Variants in CYSTM1 observed in about 807,000 individuals in gnomAD.
The protein encoded by CYSTM1 is cysteine rich transmembrane module containing 1, also known as cysteine-rich transmembrane module-containing protein 1.
CYSTM1 carries 4 observed loss-of-function variants against 13.1 expected under a neutral mutation model. That is an observed-to-expected ratio of 0.31 (90% confidence interval 0.15 to 0.70). The LOEUF (loss-of-function observed/expected upper bound fraction) is 0.70. CYSTM1 is among the 30% of genes least tolerant of loss of function. The probability of loss-of-function intolerance (pLI) is 0.72; values close to 1 mark genes in which losing one functional copy is unlikely to be tolerated. For missense variants in CYSTM1, 96 were observed against 121.6 expected (o/e 0.79, Z 0.99); for synonymous variants, 36 against 42.7 (o/e 0.84, Z 0.62).
chr5:140,187,005 A>G (rs1212316595), intron 1 of CYSTM1, among the ~76,000 whole-genome samples: 1 of 152,110 alleles, frequency 6.6e-6, no homozygotes, highest in Non-Finnish European at 1.5e-5. Flanking sequence ...GCACGCCTGT[A>G]ATCCCAGCTG....
Position 140,194,368 on chromosome 5 carries a change from G to A in CYSTM1, c.-20-78G>A, listed in dbSNP as rs546885654. On this transcript the variant is annotated intron_variant, in intron 1 of 2. Coordinates refer to ENST00000261811, the MANE Select transcript of CYSTM1 (RefSeq NM_032412.4). ...TACACCTTGAAGGTATTTTGTAAAT[G>A]ATCTTATGGGTTAGGATTTTATTCC... The A allele has an allele frequency of 1.1e-5, 15 of 1,345,824 alleles. No homozygotes were observed. The African/African-American group carries it at 1.8e-4, about 16-fold the overall frequency. The allele number at this position is 1,345,824 out of a possible 1,614,324, so 83.4% of individuals were successfully genotyped here.
intron 2 of CYSTM1, among the ~76,000 whole-genome samples, chr5:140,210,075 A>G (rs987385679): frequency 1.3e-5 from 2 of 152,194 alleles, no homozygotes; most frequent in Non-Finnish European, 2.9e-5. Context: ...AATAATGCTC[A>G]TAAAAATTTT....
At chr5:140,211,055 C>T (rs1764361089) in intron 2 of CYSTM1, among the ~76,000 whole-genome samples, 1 of 152,058 alleles carries the variant, frequency 6.6e-6, no homozygotes, top group African/African-American at 2.4e-5. Flanking sequence ...ATTAAAACCA[C>T]CAGAACCAGA....
chr5:140,197,701 C>T (rs1764173845), intron 2 of CYSTM1, among the ~76,000 whole-genome samples: 1 of 152,140 alleles, frequency 6.6e-6, no homozygotes, highest in South Asian at 2.1e-4. Flanking sequence ...CTTTTTCTTT[C>T]CAGCTGAATG....
chr5:140,240,112 A>C (rs1764729881), intron 2 of CYSTM1, among the ~76,000 whole-genome samples: 1 of 152,094 alleles, frequency 6.6e-6, no homozygotes, highest in South Asian at 2.1e-4. Flanking sequence ...ACCTCTTCCC[A>C]GGTTGGGCAC....
chr5:140,212,983 G>GTATATATATA (rs150669111), intron 2 of CYSTM1, among the ~76,000 whole-genome samples: 62 of 114,294 alleles, frequency 5.4e-4, no homozygotes, highest in Admixed American at 1.3e-3. Flanking sequence ...CAAAACAAAA[G>GTATATATATA]TATATATATA....
At chr5:140,235,903 G>A (rs144838478) in intron 2 of CYSTM1, among the ~76,000 whole-genome samples, 38 of 152,214 alleles carry the variant, frequency 2.5e-4, no homozygotes, top group African/African-American at 7.7e-4. Context: ...ATCCTGTCCC[G>A]AGTACTCTTC....
At chr5:140,182,656 C>A (rs935399164) in intron 1 of CYSTM1, among the ~76,000 whole-genome samples, 5 of 151,420 alleles carry the variant, frequency 3.3e-5, no homozygotes, top group Admixed American at 6.6e-5. Context: ...TCATCAATAA[C>A]CCAAACTACT....
intron 1 of CYSTM1, among the ~76,000 whole-genome samples, chr5:140,190,252 TA>T (rs1764075878): frequency 1.3e-5 from 2 of 152,222 alleles, no homozygotes; most frequent in South Asian, 2.1e-4. Flanking sequence ...AAAAAACCCT[TA>T]TTTTTTTTCT....
At chr5:140,218,564 C>G (rs1489474468) in intron 2 of CYSTM1, among the ~76,000 whole-genome samples, 1 of 152,202 alleles carries the variant, frequency 6.6e-6, no homozygotes, top group Non-Finnish European at 1.5e-5. Flanking sequence ...CTGTCACACC[C>G]TCAAAGTGGC....
At chr5:140,176,329 A>G (rs1200010417) in intron 1 of CYSTM1, among the ~76,000 whole-genome samples, 2 of 152,254 alleles carry the variant, frequency 1.3e-5, no homozygotes, top group East Asian at 3.8e-4. Flanking sequence ...TCAGGCAGCC[A>G]GGTGCCTTTT....
chr5:140,175,834 G>T lies in CYSTM1; in HGVS notation c.-21+549G>T, dbSNP rs1259740670. 6.6e-6 allele frequency among the ~76,000 whole-genome samples: 1 copy of T among 152,232 alleles called. No homozygotes were observed. Among genetic ancestry groups the T allele is most frequent in the African/African-American group, 2.4e-5 (1 of 41,468 alleles). On this transcript the variant is annotated intron_variant, in intron 1 of 2. Coordinates refer to ENST00000261811, the MANE Select transcript of CYSTM1 (RefSeq NM_032412.4). The surrounding 1 kb of genome is among the most constrained non-coding windows in gnomAD (Gnocchi z 4.9). ...GGAGGCCGGGGTGTTCAGAGAAGGCGTTGCGGGGGAAAGGAATCCCGGCTG... is the reference window on the plus strand; with the variant it reads ...GGAGGCCGGGGTGTTCAGAGAAGGCTTTGCGGGGGAAAGGAATCCCGGCTG...
chr5:140,226,586 T>TTATATATATATATATATA lies in CYSTM1; in HGVS notation c.188-16710_188-16693dup, dbSNP rs549334525. ...ATAAATATATATTATATACTAAATA[T>TTATATATATATATATATA]TATATATATATATATATATATATAT... On this transcript the variant is annotated intron_variant, in intron 2 of 2. Transcript: ENST00000261811. Among the ~76,000 whole-genome samples the TTATATATATATATATATA allele has an allele frequency of 6.9e-4, 52 of 75,248 alleles. 1 individual carries two copies. The highest frequency in any genetic ancestry group is 2.3e-3 in the South Asian group (4 of 1,764). The allele number at this position is 75,248 out of a possible 152,430, so 49.4% of individuals were successfully genotyped here.
intron 2 of CYSTM1, 61 bp from the exon 3 acceptor site, chr5:140,243,244 C>T (rs1764773086): frequency 6.8e-7 from 1 of 1,465,418 alleles, no homozygotes; most frequent in South Asian, 1.1e-5. Flanking sequence ...GGGAGGCTAA[C>T]TTTGCAGGGC....
At chr5:140,208,470 G>A (rs955337824) in intron 2 of CYSTM1, among the ~76,000 whole-genome samples, 1 of 152,094 alleles carries the variant, frequency 6.6e-6, no homozygotes, top group Non-Finnish European at 1.5e-5. Context: ...AATAGTTAGT[G>A]GATACAAAAG....
chr5:140,224,733 C>T (rs919290608), intron 2 of CYSTM1, among the ~76,000 whole-genome samples: 4 of 152,062 alleles, frequency 2.6e-5, no homozygotes, highest in Admixed American at 2.6e-4. Flanking sequence ...ATTGCCCAGG[C>T]CAGTCTTGAA....
intron 2 of CYSTM1, chr5:140,200,654 G>A (rs1314980594): frequency 4.8e-5 from 7 of 145,052 alleles, no homozygotes; most frequent in Admixed American, 1.4e-4. Flanking sequence ...TCTGCCTCCC[G>A]GGTTCACGCC....
intron 2 of CYSTM1, among the ~76,000 whole-genome samples, chr5:140,227,366 A>G (rs1225400126): frequency 6.6e-6 from 1 of 152,172 alleles, no homozygotes; most frequent in Non-Finnish European, 1.5e-5. Flanking sequence ...GCAGCAGTAT[A>G]GGGGTCCTCT....
intron 2 of CYSTM1, chr5:140,201,536 C>T (rs189210502): frequency 5.9e-5 from 9 of 152,324 alleles, no homozygotes; most frequent in Admixed American, 5.9e-4. Context: ...GAAGCTTTTG[C>T]TTACCTATAC....
Sources: gnomAD v4.1 joint callset for allele counts (sites outside exome capture counted in the v4.1 genomes callset) on GRCh38, gnomAD v4.1.1 for gene constraint, Gnocchi (gnomAD v3.1) non-coding constraint, MANE v1.5 for transcripts, NCBI Gene and HGNC (gene_info 2026-07-23, HGNC 2026-07-21) for gene names.